The following PPP2R2A variants were observed in gnomAD, a reference collection of about 807,000 sequenced individuals.
The protein encoded by PPP2R2A is serine/threonine-protein phosphatase 2A 55 kDa regulatory subunit B alpha isoform.
Under a neutral mutation model 53.2 loss-of-function variants are expected in PPP2R2A, and 9 were observed. That is an observed-to-expected ratio of 0.17 (90% CI 0.10 to 0.30). PPP2R2A has a LOEUF of 0.30. PPP2R2A is among the 10% of genes least tolerant of loss of function. The probability of loss-of-function intolerance (pLI) is 1.00; values close to 1 mark genes in which losing one functional copy is unlikely to be tolerated. For missense variants in PPP2R2A, 235 were observed against 534.6 expected (o/e 0.44, Z 5.53); for synonymous variants, 169 against 174.2 (o/e 0.97, Z 0.23).
At chr8:26,353,293 C>T (rs755031293) in intron 3 of PPP2R2A, among the ~76,000 whole-genome samples, 2 of 152,140 alleles carry the variant, frequency 1.3e-5, no homozygotes, top group African/African-American at 2.4e-5. Context: ...CAGACTTGCC[C>T]TCTAATAACT....
intron 1 of PPP2R2A, 136 bp from the exon 2 acceptor site, chr8:26,293,528 CTG>C: frequency 1.2e-6 from 1 of 814,104 alleles, no homozygotes; most frequent in Non-Finnish European, 1.9e-6. Context: ...TCTTTCCAAA[CTG>C]GTGCTCTTGG....
chr8:26,314,613 T>C (rs1802449397), intron 2 of PPP2R2A, among the ~76,000 whole-genome samples: 1 of 152,226 alleles, frequency 6.6e-6, no homozygotes, highest in African/African-American at 2.4e-5. Context: ...GTTTGGCTGG[T>C]TAACATTTTC....
intron 2 of PPP2R2A, among the ~76,000 whole-genome samples, chr8:26,317,015 CAAAG>C (rs1802593689): frequency 6.6e-6 from 1 of 152,180 alleles, no homozygotes; most frequent in Non-Finnish European, 1.5e-5. Flanking sequence ...GAAACTAAGA[CAAAG>C]GATTAAGAGA....
rs1344216926 is a variant in PPP2R2A at position 26,352,326 on chromosome 8, T to A, written c.181-2142T>A. On this transcript the variant is annotated intron_variant, in intron 3 of 9. Coordinates refer to ENST00000380737, the MANE Select transcript of PPP2R2A (RefSeq NM_002717.4). Reference sequence around the variant, plus strand: ...TGTGCAGGGAACAATGCTATCATGATCATTATAATGTAAACATCCCCTCCC... The same window carrying A: ...TGTGCAGGGAACAATGCTATCATGAACATTATAATGTAAACATCCCCTCCC... 2.6e-5 allele frequency among the ~76,000 whole-genome samples: 4 copies of A among 152,222 alleles called. No homozygotes were observed. The South Asian group carries it at 8.3e-4, about 32-fold the overall frequency.
intron 2 of PPP2R2A, among the ~76,000 whole-genome samples, chr8:26,302,980 G>A (rs1801855511): frequency 6.6e-6 from 1 of 152,106 alleles, no homozygotes; most frequent in Admixed American, 6.6e-5. Flanking sequence ...TTGAGTTGTT[G>A]GTTTAGTCTG....
At chr8:26,294,153 C>G (rs1271557152) in intron 2 of PPP2R2A, among the ~76,000 whole-genome samples, 1 of 152,144 alleles carries the variant, frequency 6.6e-6, no homozygotes, top group African/African-American at 2.4e-5. Context: ...TTAACGGCAT[C>G]TTTGATTTTT....
intron 2 of PPP2R2A, among the ~76,000 whole-genome samples, chr8:26,299,101 T>G (rs1016000182): frequency 2.0e-5 from 3 of 152,056 alleles, no homozygotes; most frequent in Admixed American, 6.6e-5. Context: ...TAGTGAGACC[T>G]TTTCTCTACA....
At chr8:26,349,150 T>G (rs1804365649) in intron 3 of PPP2R2A, among the ~76,000 whole-genome samples, 1 of 152,202 alleles carries the variant, frequency 6.6e-6, no homozygotes, top group South Asian at 2.1e-4. Context: ...TGCCTTTCTG[T>G]CACTAAAACA....
rs1048211798 is a variant in PPP2R2A, at chr8:26,293,677, G to C, written c.19G>C (p.Gly7Arg). Residue 7 changes from glycine to arginine, a missense_variant, in exon 2 of 10, where the codon GGG (glycine) becomes CGG (arginine). By Grantham distance (125) the Gly-to-Arg change is moderately radical (BLOSUM62 -2). This residue lies in a region of PPP2R2A where 51 missense variants were observed against 80.6 expected (regional missense o/e 0.63). Coordinates refer to ENST00000380737, the MANE Select transcript of PPP2R2A (RefSeq NM_002717.4). ...TTTTCTTTTTCCAGGAGCTGGAGGA[G>C]GGAATGATATTCAGTGGTGTTTTTC... MAGAGG[G>R]NDIQWCFSQV... The C allele has an allele frequency of 1.2e-6, 2 of 1,611,710 alleles. No homozygotes were observed. The highest frequency in any genetic ancestry group is 2.7e-5 in the African/African-American group (2 of 74,784).
At position 26,338,334 on chromosome 8, in the gene PPP2R2A, G is replaced by A. The variant is rs569561442; in HGVS notation, c.83-556G>A. 3.3e-5 allele frequency among the ~76,000 whole-genome samples: 5 copies of A among 152,204 alleles called. No individual in the cohort carries two copies. The highest frequency in any genetic ancestry group is 1.2e-4 in the African/African-American group (5 of 41,524). On this transcript the variant is annotated intron_variant, in intron 2 of 9. Transcript: ENST00000380737. This position sits in a 1 kb window ranked among gnomAD's most constrained non-coding sequence, Gnocchi z 4.5. ...GCAGTGTAGGGGAGCTGGAGGAGCC[G>A]TGCACATTGAAGGCACATAGCACGA...
rs941564536 is a variant in PPP2R2A, at chr8:26,372,223, T to C, written c.*1810T>C. The C allele has an allele frequency of 1.3e-5, 2 of 152,220 alleles. No homozygotes were observed. Among genetic ancestry groups the C allele is most frequent in the Non-Finnish European group, 1.5e-5 (1 of 68,044 alleles). The allele number at this position is 152,220 out of a possible 1,614,324, so 9.4% of individuals were successfully genotyped here. A position where few individuals can be genotyped will look rare whatever the true frequency, so the allele number is the denominator to read the frequency against. On this transcript the variant is annotated 3_prime_UTR_variant, in exon 10 of 10. Coordinates refer to ENST00000380737, the MANE Select transcript of PPP2R2A (RefSeq NM_002717.4). ...TGTCTGATAATTCTTAATGGCACTT[T>C]TACTAATTTATTTGGGGATCTTGGG...
intron 2 of PPP2R2A, among the ~76,000 whole-genome samples, chr8:26,309,695 A>C (rs957433082): frequency 1.3e-5 from 2 of 152,124 alleles, no homozygotes; most frequent in Non-Finnish European, 2.9e-5. Flanking sequence ...TGAACACTTA[A>C]GAGGCCCATA....
intron 3 of PPP2R2A, among the ~76,000 whole-genome samples, chr8:26,340,717 G>A (rs73217710): frequency 0.048 from 7,292 of 152,076 alleles, 246 homozygotes; most frequent in Non-Finnish European, 0.073. Context: ...AAAAATGGCT[G>A]AAAATTTTTT....
chr8:26,354,725 C>G lies in PPP2R2A; in HGVS notation c.346+92C>G. The stretch of plus-strand genomic sequence containing the variant: ...GGAGAGGAATCATTTAACAGAGATA[C>G]TTGTAAAAAGGACTTTTGTTTTTCT... On this transcript the variant is annotated intron_variant, in intron 4 of 9. Transcript: ENST00000380737. The surrounding 1 kb of genome is among the most constrained non-coding windows in gnomAD (Gnocchi z 4.6). 1 of 1,195,630 alleles carries G rather than the reference C, an allele frequency of 8.4e-7. No individual in the cohort carries two copies. Among genetic ancestry groups the G allele is most frequent in the African/African-American group, 1.6e-5 (1 of 64,188 alleles). 74.1% of individuals were successfully genotyped at this position (1,195,630 alleles called of 1,614,324 possible). A position where few individuals can be genotyped will look rare whatever the true frequency, so the allele number is the denominator to read the frequency against.
Position 26,321,798 on chromosome 8 carries a change from A to C in PPP2R2A, c.83-17092A>C, listed in dbSNP as rs557483804. Among the ~76,000 whole-genome samples, 91 of 152,318 alleles carry C rather than the reference A, an allele frequency of 6.0e-4. No homozygotes were observed. The highest frequency in any genetic ancestry group is 1.2e-3 in the Non-Finnish European group (81 of 68,022). The stretch of plus-strand genomic sequence containing the variant: ...ACACCTAGATTCCTGACCTGTTATG[A>C]GATAATAAGTGTTTGTTGTTTTAAG... On this transcript the variant is annotated intron_variant, in intron 2 of 9. Transcript: ENST00000380737. This position sits in a 1 kb window ranked among gnomAD's most constrained non-coding sequence, Gnocchi z 4.1.
At chr8:26,335,506 A>G (rs1165170939) in intron 2 of PPP2R2A, among the ~76,000 whole-genome samples, 1 of 152,236 alleles carries the variant, frequency 6.6e-6, no homozygotes, top group Non-Finnish European at 1.5e-5. Flanking sequence ...CAAGGAGACC[A>G]TGAATCTGTC....
chr8:26,341,621 T>C (rs1803946964), intron 3 of PPP2R2A, among the ~76,000 whole-genome samples: 1 of 152,238 alleles, frequency 6.6e-6, no homozygotes, highest in Admixed American at 6.5e-5. Context: ...TCAATCCAAC[T>C]ATTATATGTT....
intron 2 of PPP2R2A, among the ~76,000 whole-genome samples, chr8:26,326,822 A>AT (rs1803111263): frequency 6.6e-6 from 1 of 152,226 alleles, no homozygotes; most frequent in African/African-American, 2.4e-5. Flanking sequence ...CTTTAAGTCT[A>AT]GAATGCTCAA....
intron 2 of PPP2R2A, among the ~76,000 whole-genome samples, chr8:26,330,019 C>G (rs1803286723): frequency 6.6e-6 from 1 of 152,110 alleles, no homozygotes; most frequent in African/African-American, 2.4e-5. Context: ...ATCATGTTTT[C>G]AAATAGTCCC....
Sources: gnomAD v4.1 joint callset for allele counts (sites outside exome capture counted in the v4.1 genomes callset) on GRCh38, gnomAD v4.1.1 for gene constraint, gnomAD v4.1.1 regional missense constraint, Gnocchi (gnomAD v3.1) non-coding constraint, MANE v1.5 for transcripts, NCBI Gene and HGNC (gene_info 2026-07-23, HGNC 2026-07-21) for gene names.